MON2: variants seen among roughly 807,000 people sequenced by gnomAD.
The protein encoded by MON2 is MON2 regulator of endosome-to-Golgi trafficking, also known as protein MON2 homolog.
A neutral mutation model predicts 208.6 loss-of-function variants in MON2; 84 were observed. That is an observed-to-expected ratio of 0.40 (90% CI 0.34 to 0.48). The LOEUF is 0.48. Ranked by LOEUF, MON2 falls within the 20% of genes least tolerant of loss-of-function variation. MON2 has a pLI of 0.59. For missense variants in MON2, 1,611 were observed against 2,015.4 expected, an observed-to-expected ratio of 0.80 and a Z score of 3.84; for synonymous variants, 660 against 694.0, an observed-to-expected ratio of 0.95 and a Z score of 0.77.
In MON2 at chr12:62,592,635, A is replaced by G. The variant is rs1383334145; in HGVS notation, c.5040A>G (p.Val1680=). 6.2e-7 allele frequency: 1 copy of G among 1,611,900 alleles called. No homozygotes were observed. Among genetic ancestry groups the G allele is most frequent in the Admixed American group, 1.7e-5 (1 of 60,000 alleles). ...AQVIALYPTL[V]ECITCSSSEV... ...TAATTGCCTTATACCCAACTTTAGT[A>G]GAATGCATCACCTGTTCTTCTTCAG... The change falls in exon 35 of 35, where the codon GTA becomes GTG. Residue 1680 remains valine (V), a synonymous_variant. Coordinates refer to ENST00000393630, the MANE Select transcript of MON2 (RefSeq NM_015026.3).
At chr12:62,468,048 C>T (rs903376616) in intron 1 of MON2, among the ~76,000 whole-genome samples, 1 of 151,478 alleles carries the variant, frequency 6.6e-6, no homozygotes, top group Non-Finnish European at 1.5e-5. Context: ...TAAAGAGATC[C>T]CAGTAAATAA....
At position 62,591,343 on chromosome 12, in the gene MON2, T is replaced by C. The variant is rs144822065; in HGVS notation, c.4991-1243T>C. 1.8e-3 allele frequency among the ~76,000 whole-genome samples: 273 copies of C among 152,308 alleles called. 1 individual carries two copies. The highest frequency in any genetic ancestry group is 6.4e-3 in the African/African-American group (267 of 41,584). ...CAGCTCTATTCCCCATTTCTTCTTA[T>C]CACACCCACCCTGAGGAAGCCCCTG... On this transcript the variant is annotated intron_variant, in intron 34 of 34. Coordinates refer to ENST00000393630, the MANE Select transcript of MON2 (RefSeq NM_015026.3).
intron 26 of MON2, among the ~76,000 whole-genome samples, chr12:62,561,836 A>G: frequency 6.6e-6 from 1 of 152,120 alleles, no homozygotes; most frequent in East Asian, 1.9e-4. Flanking sequence ...CTGATCACAC[A>G]TGTTATCAGT....
chr12:62,501,120 A>G (rs2070805703), intron 6 of MON2, among the ~76,000 whole-genome samples: 3 of 152,198 alleles, frequency 2.0e-5, no homozygotes, highest in Admixed American at 2.0e-4. Context: ...CAGGTATATC[A>G]GAAACAACTA....
rs185884829 is a variant in MON2 at position 62,564,394 on chromosome 12, A to T, written c.4033-843A>T. On this transcript the variant is annotated intron_variant, in intron 26 of 34. Coordinates refer to ENST00000393630, the MANE Select transcript of MON2 (RefSeq NM_015026.3). Reference sequence around the variant, plus strand: ...TCATCCTTTTTGTCTTATAAAGCACAAGTATATTTTAGACACTTCATAAAT... The same window carrying T: ...TCATCCTTTTTGTCTTATAAAGCACTAGTATATTTTAGACACTTCATAAAT... Among the ~76,000 whole-genome samples, 96 of 152,208 alleles carry T rather than the reference A, an allele frequency of 6.3e-4. 2 individuals are homozygous for T. The East Asian group carries it at 0.013, about 20-fold the overall frequency.
At chr12:62,543,848 A>T (rs2073356345) in intron 20 of MON2, among the ~76,000 whole-genome samples, 1 of 152,126 alleles carries the variant, frequency 6.6e-6, no homozygotes, top group African/African-American at 2.4e-5. Flanking sequence ...ACCTCAGGTG[A>T]TCCACCTGCC....
rs570388125 is a variant in MON2, at chr12:62,571,273, T to C, written c.4324-119T>C. The C allele has an allele frequency of 8.5e-5, 66 of 779,692 alleles. No individual in the cohort carries two copies. The African/African-American group carries it at 1.1e-3, about 13-fold the overall frequency. 48.3% of individuals were successfully genotyped at this position (779,692 alleles called of 1,614,324 possible). A position where few individuals can be genotyped will look rare whatever the true frequency, so the allele number is the denominator to read the frequency against. The stretch of plus-strand genomic sequence containing the variant: ...AAATAACATCCTTTTTAAATGAAAA[T>C]ACCATCCTTTTTAAGATGAAAATAC... On this transcript the variant is annotated intron_variant, in intron 29 of 34. Coordinates refer to ENST00000393630, the MANE Select transcript of MON2 (RefSeq NM_015026.3).
chr12:62,575,671 AAG>A (rs1387915077), intron 30 of MON2, among the ~76,000 whole-genome samples: 1 of 152,200 alleles, frequency 6.6e-6, no homozygotes, highest in Non-Finnish European at 1.5e-5. Flanking sequence ...ATGCTTTGGC[AAG>A]GGAATACAAT....
In MON2 at chr12:62,553,316, A is replaced by G. The variant is rs1250706664; in HGVS notation, c.3210+142A>G. ...TGACAAAACAGGAAATAACTGTGTC[A>G]TATTGTAAATTGTACCTCATAAAGA... On this transcript the variant is annotated intron_variant, in intron 24 of 34. Coordinates refer to ENST00000393630, the MANE Select transcript of MON2 (RefSeq NM_015026.3). The G allele has an allele frequency of 3.0e-5, 23 of 757,518 alleles. No homozygotes were observed. In the Admixed American group the frequency reaches 5.8e-4, roughly 19 times the overall value. The allele number at this position is 757,518 out of a possible 1,614,324, so 46.9% of individuals were successfully genotyped here.
intron 8 of MON2, among the ~76,000 whole-genome samples, chr12:62,515,874 T>G (rs958577909): frequency 6.6e-6 from 1 of 152,178 alleles, no homozygotes; most frequent in Non-Finnish European, 1.5e-5. Flanking sequence ...CAGTTGATAC[T>G]ACTCAACTGT....
intron 10 of MON2, among the ~76,000 whole-genome samples, 187 bp from the exon 11 acceptor site, chr12:62,525,762 T>C (rs932218745): frequency 1.3e-5 from 2 of 152,220 alleles, no homozygotes; most frequent in African/African-American, 2.4e-5. Context: ...AGGGAAATGG[T>C]ATTTTAGGGA....
chr12:62,551,210 C>T (rs766042354), intron 23 of MON2, among the ~76,000 whole-genome samples: 20 of 152,164 alleles, frequency 1.3e-4, no homozygotes, highest in Non-Finnish European at 2.8e-4. Flanking sequence ...TTCGACATGC[C>T]TTCCTCACTA....
At chr12:62,534,127 G>A (rs2072788404) in intron 12 of MON2, among the ~76,000 whole-genome samples, 1 of 152,050 alleles carries the variant, frequency 6.6e-6, no homozygotes, top group African/African-American at 2.4e-5. Flanking sequence ...ATAGTGGCAT[G>A]TGCCTATAAT....
rs1358645946 is a variant in MON2, at chr12:62,571,265, A to AATGAAAATACCATCCTTTTTAAG, written c.4324-115_4324-93dup. On this transcript the variant is annotated intron_variant, in intron 29 of 34. Transcript: ENST00000393630. ...TTTCTGCGAAATAACATCCTTTTTA[A>AATGAAAATACCATCCTTTTTAAG]ATGAAAATACCATCCTTTTTAAGAT... 2.9e-5 allele frequency: 21 copies of AATGAAAATACCATCCTTTTTAAG among 724,506 alleles called. 1 individual carries two copies. The Middle Eastern group carries it at 1.2e-3, about 42-fold the overall frequency. The allele number at this position is 724,506 out of a possible 1,614,324, so 44.9% of individuals were successfully genotyped here. A position where few individuals can be genotyped will look rare whatever the true frequency, so the allele number is the denominator to read the frequency against.
At chr12:62,544,762 T>C (rs1363216629) in intron 20 of MON2, 136 bp from the exon 21 acceptor site, 2 of 1,535,088 alleles carry the variant, frequency 1.3e-6, no homozygotes, top group Non-Finnish European at 1.8e-6. Flanking sequence ...TTGCCCTTAT[T>C]CAGAAGGTAA....
intron 32 of MON2, among the ~76,000 whole-genome samples, chr12:62,583,975 C>CAAAAAAAAAAAAAAAAAAAAAAA (rs942616967): frequency 3.4e-5 from 4 of 119,318 alleles, no homozygotes; most frequent in Non-Finnish European, 1.8e-5. Context: ...AAAAAAAAAA[C>CAAAAAAAAAAAAAAAAAAAAAAA]AAAAAAAAAA....
chr12:62,502,248 T>A (rs532149895), intron 7 of MON2, among the ~76,000 whole-genome samples: 42 of 151,628 alleles, frequency 2.8e-4, no homozygotes, highest in East Asian at 5.9e-4. Context: ...AAAATTTTTT[T>A]AAAAAAGCTA....
intron 1 of MON2, among the ~76,000 whole-genome samples, chr12:62,476,145 G>A (rs2069064308): frequency 1.3e-5 from 2 of 152,176 alleles, no homozygotes; most frequent in Non-Finnish European, 2.9e-5. Flanking sequence ...AGAAGCCAGA[G>A]GTTCTAGAAT....
intron 11 of MON2, among the ~76,000 whole-genome samples, chr12:62,532,149 TC>T (rs2072683668): frequency 2.0e-5 from 3 of 152,172 alleles, no homozygotes; most frequent in African/African-American, 7.2e-5. Context: ...TCTTAATTTT[TC>T]TAATATCTAA....
Sources: gnomAD v4.1 joint callset for allele counts (sites outside exome capture counted in the v4.1 genomes callset) on GRCh38, gnomAD v4.1.1 for gene constraint, MANE v1.5 for transcripts, NCBI Gene and HGNC (gene_info 2026-07-23, HGNC 2026-07-21) for gene names.